BMP7: variants seen among roughly 807,000 people sequenced by gnomAD.
BMP7 encodes osteogenic protein 1.
In BMP7, 12 loss-of-function variants were observed where a neutral mutation model predicts 41.2. That is an observed-to-expected ratio of 0.29 (90% confidence interval 0.19 to 0.47). BMP7 has a LOEUF of 0.47. BMP7 is among the 20% of genes least tolerant of loss of function. BMP7 has a pLI of 0.99. For synonymous variants in BMP7, 248 were observed against 250.0 expected (o/e 0.99, Z 0.07); for missense variants, 467 against 606.0 (o/e 0.77, Z 2.41).
chr20:57,242,559 G>A (rs2066073903), intron 1 of BMP7, among the ~76,000 whole-genome samples: 1 of 152,162 alleles, frequency 6.6e-6, no homozygotes, highest in South Asian at 2.1e-4. Flanking sequence ...ACCTGTATGG[G>A]GTTCACCCTA....
chr20:57,191,241 C>T (rs1341594915), intron 3 of BMP7, among the ~76,000 whole-genome samples: 5 of 152,154 alleles, frequency 3.3e-5, no homozygotes, highest in African/African-American at 4.8e-5. Flanking sequence ...TTACTGAACA[C>T]GTGTTCATGC....
intron 3 of BMP7, among the ~76,000 whole-genome samples, chr20:57,193,932 T>A (rs933228543): frequency 6.6e-6 from 1 of 152,168 alleles, no homozygotes; most frequent in African/African-American, 2.4e-5. Context: ...GAAGGCCCAA[T>A]CGTTGCAGGG....
rs750097211 is a variant in BMP7, at chr20:57,173,328, G to T, written c.1036-18C>A. The T allele has an allele frequency of 8.7e-6, 14 of 1,610,604 alleles. No individual in the cohort carries two copies. The highest frequency in any genetic ancestry group is 1.1e-5 in the Non-Finnish European group (13 of 1,177,012). On this transcript the variant is annotated intron_variant, in intron 5 of 6. Coordinates refer to ENST00000395863, the MANE Select transcript of BMP7 (RefSeq NM_001719.3). ...ATCCAGTCCTGAGGAGGAGAAGAGA[G>T]TGTGGGAAACCATGCAGAAGGCCTG...
chr20:57,181,101 T>C (rs1984069676), intron 4 of BMP7, among the ~76,000 whole-genome samples: 1 of 152,152 alleles, frequency 6.6e-6, no homozygotes, highest in Non-Finnish European at 1.5e-5. Flanking sequence ...AGGGCAGGTT[T>C]GCACCTCAGA....
chr20:57,230,477 G>A (rs371906604), intron 1 of BMP7, among the ~76,000 whole-genome samples: 5 of 151,868 alleles, frequency 3.3e-5, no homozygotes, highest in East Asian at 4.0e-4. Flanking sequence ...TGAGCAGCCC[G>A]AGGAAGTGAG....
chr20:57,199,313 G>A (rs1028262838), intron 3 of BMP7, among the ~76,000 whole-genome samples: 1 of 152,194 alleles, frequency 6.6e-6, no homozygotes, highest in East Asian at 1.9e-4. Context: ...CCTAGGCACC[G>A]TGCACGACTT....
At chr20:57,237,175 G>A (rs1238441307) in intron 1 of BMP7, among the ~76,000 whole-genome samples, 2 of 152,206 alleles carry the variant, frequency 1.3e-5, no homozygotes, top group African/African-American at 4.8e-5. Flanking sequence ...TTCAGCTCCA[G>A]TTAGGGGCCG....
At position 57,228,299 on chromosome 20, in the gene BMP7, T is replaced by C. The variant is rs750009722; in HGVS notation, c.541A>G (p.Ile181Val). ...GTCTCATTGTCGAAGCGTTCCCGGA[T>C]GTAGTCCTTGTAGATCCGGAATTCG... ...AAEFRIYKDY[I>V]RERFDNETFR... is the part of the protein sequence containing the mutation. Residue 181 changes from isoleucine to valine, a missense_variant, in exon 2 of 7, where the codon ATC (isoleucine) becomes GTC (valine). Transcript: ENST00000395863. This position sits in a 1 kb window ranked among gnomAD's most constrained non-coding sequence, Gnocchi z 4.5. 1 of 1,613,996 alleles carries C rather than the reference T, an allele frequency of 6.2e-7. No individual in the cohort carries two copies. The highest frequency in any genetic ancestry group is 1.3e-5 in the African/African-American group (1 of 74,906).
chr20:57,189,356 G>A (rs574802386), intron 3 of BMP7, among the ~76,000 whole-genome samples: 31 of 152,290 alleles, frequency 2.0e-4, no homozygotes, highest in African/African-American at 5.5e-4. Context: ...CGCCAGCACC[G>A]GCTATACAAT....
intron 5 of BMP7, chr20:57,173,661 A>C: frequency 2.7e-6 from 1 of 370,418 alleles, no homozygotes. Flanking sequence ...AATAAAAATG[A>C]AGGAAAGCCC....
chr20:57,238,339 A>G (rs162318), intron 1 of BMP7, among the ~76,000 whole-genome samples: 102,374 of 152,176 alleles, frequency 0.67, 36,268 homozygotes, highest in African/African-American at 0.91. Context: ...GATGGGCCAC[A>G]TTTTGTTTAT....
At chr20:57,216,176 C>T (rs1332189052) in intron 2 of BMP7, among the ~76,000 whole-genome samples, 1 of 152,142 alleles carries the variant, frequency 6.6e-6, no homozygotes. Flanking sequence ...CATCAGCTTG[C>T]ACTTGGTAGG....
chr20:57,257,108 T>C (rs1371702135), intron 1 of BMP7, among the ~76,000 whole-genome samples: 2 of 152,182 alleles, frequency 1.3e-5, no homozygotes, highest in Non-Finnish European at 2.9e-5. Flanking sequence ...GCCACCAATG[T>C]GCAGAACTCC....
chr20:57,232,314 T>G (rs2066032377), intron 1 of BMP7, among the ~76,000 whole-genome samples: 1 of 152,156 alleles, frequency 6.6e-6, no homozygotes, highest in Admixed American at 6.5e-5. Context: ...AGTCTGCCAT[T>G]GTTACAGGGC....
chr20:57,203,494 T>C lies in BMP7; in HGVS notation c.612-871A>G, dbSNP rs149644138. On this transcript the variant is annotated intron_variant, in intron 2 of 6. Transcript: ENST00000395863. The stretch of plus-strand genomic sequence containing the variant: ...GTGGGTGGGTGGATGGATGGATGGA[T>C]GGATGGATGAGTAGATGGGTGGGCG... 9.3e-4 allele frequency among the ~76,000 whole-genome samples: 141 copies of C among 151,756 alleles called. 3 individuals carry two copies. In the East Asian group the frequency reaches 0.022, roughly 23 times the overall value.
intron 3 of BMP7, among the ~76,000 whole-genome samples, chr20:57,196,879 C>T (rs2123083003): frequency 6.6e-6 from 1 of 152,218 alleles, no homozygotes; most frequent in African/African-American, 2.4e-5. Context: ...TTGATATCAA[C>T]ATGGCCATAA....
intron 2 of BMP7, among the ~76,000 whole-genome samples, chr20:57,223,300 G>T (rs1266338275): frequency 6.6e-6 from 1 of 152,018 alleles, no homozygotes; most frequent in Non-Finnish European, 1.5e-5. Flanking sequence ...TGAGAAATTA[G>T]AGAGATCTTA....
At chr20:57,211,501 A>C (rs1489822060) in intron 2 of BMP7, among the ~76,000 whole-genome samples, 1 of 146,106 alleles carries the variant, frequency 6.8e-6, no homozygotes, top group African/African-American at 2.8e-5. Context: ...GTCCTGACCC[A>C]GGAAGCTGTG....
At chr20:57,264,240 C>T (rs1344683381) in intron 1 of BMP7, among the ~76,000 whole-genome samples, 2 of 152,202 alleles carry the variant, frequency 1.3e-5, no homozygotes, top group Non-Finnish European at 2.9e-5. Flanking sequence ...GGCGGATCTG[C>T]GCTTCCCCCG....
Sources: allele counts gnomAD v4.1 joint callset (sites outside exome capture counted in the v4.1 genomes callset), GRCh38; gene constraint gnomAD v4.1.1; non-coding constraint Gnocchi (gnomAD v3.1); transcripts MANE v1.5; gene names NCBI Gene and HGNC (gene_info 2026-07-23, HGNC 2026-07-21).